TPRG1: variants seen among roughly 807,000 people sequenced by gnomAD.
The protein encoded by TPRG1 is tumor protein p63 regulated 1.
A neutral mutation model predicts 29.3 loss-of-function variants in TPRG1; 29 were observed. That is an observed-to-expected ratio of 0.99 (90% CI 0.74 to 1.35). The LOEUF (loss-of-function observed/expected upper bound fraction) is 1.35. TPRG1 is among the 40% of genes most tolerant of loss of function. The probability of loss-of-function intolerance (pLI) is 0.00; values close to 1 mark genes in which losing one functional copy is unlikely to be tolerated. For synonymous variants in TPRG1, 130 were observed against 116.8 expected, an observed-to-expected ratio of 1.11 and a Z score of -0.73; for missense variants, 327 against 335.0, an observed-to-expected ratio of 0.98 and a Z score of 0.19.
intron 4 of TPRG1, among the ~76,000 whole-genome samples, chr3:189,302,775 G>T (rs957405589): frequency 4.3e-4 from 66 of 152,232 alleles, no homozygotes; most frequent in African/African-American, 1.6e-3. Context: ...CTAATAACTT[G>T]TTGCATTTTC....
At chr3:189,213,533 T>C (rs996076178) in intron 2 of TPRG1, among the ~76,000 whole-genome samples, 4 of 152,320 alleles carry the variant, frequency 2.6e-5, no homozygotes, top group African/African-American at 7.2e-5. Flanking sequence ...AGAAGACTGA[T>C]AGAACTCCAG....
At chr3:189,050,582 T>C (rs994083393) in intron 4 of TPRG1, among the ~76,000 whole-genome samples, 9 of 152,196 alleles carry the variant, frequency 5.9e-5, no homozygotes, top group African/African-American at 2.2e-4. Context: ...ATGCATTCTA[T>C]GAAGCCAGCC....
chr3:189,249,252 CTT>C (rs1362393240), intron 4 of TPRG1, among the ~76,000 whole-genome samples: 1 of 151,632 alleles, frequency 6.6e-6, no homozygotes, highest in African/African-American at 2.4e-5. Context: ...ACTCTAGTGA[CTT>C]TACATGAATG....
chr3:189,206,307 G>A (rs1051147560), intron 1 of TPRG1, among the ~76,000 whole-genome samples: 2 of 151,680 alleles, frequency 1.3e-5, no homozygotes, highest in African/African-American at 4.8e-5. Context: ...TATTTACAGT[G>A]CAACATATTT....
chr3:189,065,530 A>T (rs1716380269), intron 4 of TPRG1, among the ~76,000 whole-genome samples: 1 of 152,120 alleles, frequency 6.6e-6, no homozygotes, highest in Admixed American at 6.6e-5. Context: ...AAAATCATTC[A>T]TGTAATATAC....
At chr3:189,010,975 T>C (rs1229144571) in intron 3 of TPRG1, among the ~76,000 whole-genome samples, 1 of 152,210 alleles carries the variant, frequency 6.6e-6, no homozygotes, top group Non-Finnish European at 1.5e-5. Context: ...TTCAATCTTC[T>C]GCATATGGCT....
chr3:189,124,802 C>T (rs1217866389), intron 1 of TPRG1, among the ~76,000 whole-genome samples: 1 of 152,134 alleles, frequency 6.6e-6, no homozygotes, highest in Admixed American at 6.5e-5. Context: ...TTGGGAAGGT[C>T]CACTACTGGC....
rs558132249 is a variant in TPRG1 at position 189,032,753 on chromosome 3, C to A, written c.-463+8807C>A. On this transcript the variant is annotated intron_variant, in intron 4 of 10. Transcript: ENST00000433971. ...CTAATGCTATCCCTCCCCCCTCCCC[C>A]CACCCCACAACAGTCCCCAGAGTGT... 2.4e-3 allele frequency among the ~76,000 whole-genome samples: 273 copies of A among 112,674 alleles called. 4 individuals are homozygous for A. The highest frequency in any genetic ancestry group is 8.9e-3 in the African/African-American group (262 of 29,598). The allele number at this position is 112,674 out of a possible 152,430, so 73.9% of individuals were successfully genotyped here. A position where few individuals can be genotyped will look rare whatever the true frequency, so the allele number is the denominator to read the frequency against.
chr3:189,147,153 A>G (rs1485880590), intron 3 of TPRG1, among the ~76,000 whole-genome samples: 1 of 152,218 alleles, frequency 6.6e-6, no homozygotes, highest in Non-Finnish European at 1.5e-5. Flanking sequence ...TACACTATCT[A>G]CAGAAGGAAG....
intron 3 of TPRG1, among the ~76,000 whole-genome samples, chr3:189,137,409 A>C (rs1723904051): frequency 6.6e-6 from 1 of 151,976 alleles, no homozygotes; most frequent in Non-Finnish European, 1.5e-5. Context: ...ACTTGAAAAC[A>C]GAACAAAACA....
At chr3:189,196,985 C>T (rs1190815791) in intron 1 of TPRG1, among the ~76,000 whole-genome samples, 2 of 152,124 alleles carry the variant, frequency 1.3e-5, no homozygotes, top group African/African-American at 2.4e-5. Flanking sequence ...ACAAAACTCC[C>T]AGGCAAGAAC....
intron 4 of TPRG1, among the ~76,000 whole-genome samples, chr3:189,247,366 A>T (rs1279922734): frequency 6.6e-6 from 1 of 151,930 alleles, no homozygotes; most frequent in African/African-American, 2.4e-5. Context: ...GTTTATAAGC[A>T]TAGTTTCTTT....
intron 2 of TPRG1, among the ~76,000 whole-genome samples, chr3:189,127,471 A>T (rs1042618246): frequency 6.6e-6 from 1 of 152,200 alleles, no homozygotes; most frequent in Non-Finnish European, 1.5e-5. Flanking sequence ...ATTATAACCA[A>T]TGTGCCAAGT....
intron 4 of TPRG1, among the ~76,000 whole-genome samples, chr3:189,088,761 C>G (rs1718132652): frequency 6.6e-6 from 1 of 152,052 alleles, no homozygotes; most frequent in South Asian, 2.1e-4. Context: ...AAAATCGTCT[C>G]AAGTAGTGAA....
At chr3:189,164,014 A>G (rs754138923) in intron 5 of TPRG1, among the ~76,000 whole-genome samples, 2 of 152,124 alleles carry the variant, frequency 1.3e-5, no homozygotes, top group East Asian at 1.9e-4. Flanking sequence ...AATAAGACAT[A>G]TATACCTACA....
intron 5 of TPRG1, among the ~76,000 whole-genome samples, chr3:189,157,611 C>G (rs1336206376): frequency 6.6e-6 from 1 of 152,156 alleles, no homozygotes; most frequent in African/African-American, 2.4e-5. Flanking sequence ...GGAAGAACAG[C>G]AAAAGCAAAG....
intron 2 of TPRG1, among the ~76,000 whole-genome samples, chr3:189,210,824 A>G (rs983295546): frequency 1.3e-5 from 2 of 152,210 alleles, no homozygotes; most frequent in African/African-American, 2.4e-5. Flanking sequence ...CCAATTTATA[A>G]TTAGATTCAA....
intron 3 of TPRG1, among the ~76,000 whole-genome samples, chr3:189,230,661 G>A (rs1231664620): frequency 6.6e-6 from 1 of 152,110 alleles, no homozygotes; most frequent in South Asian, 2.1e-4. Context: ...TGATGTGTCT[G>A]TCTCCTTTTG....
chr3:189,181,396 C>G (rs919432877), intron 1 of TPRG1, among the ~76,000 whole-genome samples: 1 of 152,178 alleles, frequency 6.6e-6, no homozygotes, highest in Non-Finnish European at 1.5e-5. Context: ...AAACTGAATG[C>G]ATTTAACAGC....
Sources: gnomAD v4.1 joint callset for allele counts (sites outside exome capture counted in the v4.1 genomes callset) on GRCh38, gnomAD v4.1.1 for gene constraint, MANE v1.5 for transcripts, NCBI Gene and HGNC (gene_info 2026-07-23, HGNC 2026-07-21) for gene names.